RNF216: variants seen among roughly 807,000 people sequenced by gnomAD.
RNF216 encodes E3 ubiquitin-protein ligase RNF216.
A neutral mutation model predicts 110.8 loss-of-function variants in RNF216; 72 were observed. The ratio of observed to expected loss-of-function variants is 0.65; its 90% CI spans 0.54 to 0.79. The LOEUF (loss-of-function observed/expected upper bound fraction) is 0.79, where lower values mean the gene tolerates loss of function less well. Among genes scored for constraint, RNF216 ranks in the 30% least tolerant of loss-of-function variants. The pLI, the probability that RNF216 is intolerant of heterozygous loss-of-function variation, is 0.00. For synonymous variants in RNF216, 495 were observed against 407.5 expected (o/e 1.21, Z -2.59); for missense variants, 1,342 against 1,141.2 (o/e 1.18, Z -2.54).
intron 1 of RNF216, among the ~76,000 whole-genome samples, chr7:5,777,969 C>T (rs1584633674): frequency 6.6e-6 from 1 of 152,180 alleles, no homozygotes; most frequent in African/African-American, 2.4e-5. Flanking sequence ...GTAAAATCAA[C>T]GTTTTCAACG....
chr7:5,772,229 G>A (rs1040171550), intron 1 of RNF216, among the ~76,000 whole-genome samples: 17 of 152,084 alleles, frequency 1.1e-4, no homozygotes, highest in Admixed American at 6.6e-5. Context: ...GTGAAACTCC[G>A]TCCCAATAAA....
intron 1 of RNF216, among the ~76,000 whole-genome samples, chr7:5,773,835 G>A (rs1265379569): frequency 6.6e-6 from 1 of 152,140 alleles, no homozygotes; most frequent in Non-Finnish European, 1.5e-5. Context: ...CCAAAGTCCT[G>A]GGATAACAGG....
At chr7:5,770,627 A>G (rs1369726630) in intron 1 of RNF216, among the ~76,000 whole-genome samples, 3 of 152,116 alleles carry the variant, frequency 2.0e-5, no homozygotes, top group Non-Finnish European at 4.4e-5. Context: ...GATATATACT[A>G]GATGACTTTA....
At chr7:5,657,573 A>G (rs1019184366) in intron 13 of RNF216, among the ~76,000 whole-genome samples, 3 of 152,094 alleles carry the variant, frequency 2.0e-5, no homozygotes, top group African/African-American at 7.2e-5. Context: ...GTCTAAAAAA[A>G]AAAAATAATA....
intron 2 of RNF216, among the ~76,000 whole-genome samples, chr7:5,760,078 A>T (rs973936996): frequency 2.6e-5 from 4 of 151,418 alleles, no homozygotes; most frequent in African/African-American, 9.8e-5. Flanking sequence ...TAAGGATTCT[A>T]CACCTCAGCA....
chr7:5,759,468 T>A (rs988975948), intron 2 of RNF216, among the ~76,000 whole-genome samples: 1 of 152,278 alleles, frequency 6.6e-6, no homozygotes, highest in South Asian at 2.1e-4. Context: ...CTCTTCCTTA[T>A]GATTTTCTTA....
intron 2 of RNF216, among the ~76,000 whole-genome samples, chr7:5,756,443 T>G (rs1795648535): frequency 6.6e-6 from 1 of 152,138 alleles, no homozygotes; most frequent in Admixed American, 6.6e-5. Context: ...CTCTTCAAAT[T>G]TGCTGAGCCC....
At chr7:5,732,633 A>G (rs1294930330) in intron 5 of RNF216, among the ~76,000 whole-genome samples, 1 of 152,254 alleles carries the variant, frequency 6.6e-6, no homozygotes, top group Non-Finnish European at 1.5e-5. Flanking sequence ...GTTTACCAAC[A>G]CAACTCTTCT....
chr7:5,740,017 C>A (rs1794663416), intron 4 of RNF216, among the ~76,000 whole-genome samples: 2 of 147,668 alleles, frequency 1.4e-5, no homozygotes, highest in African/African-American at 2.5e-5. Flanking sequence ...AAAAAACAAA[C>A]CAAAAACAAA....
Position 5,680,694 on chromosome 7 carries a change from G to A in RNF216, c.2062-28184C>T, listed in dbSNP as rs1055916676. Among the ~76,000 whole-genome samples, 2 of 151,980 alleles carry A rather than the reference G, an allele frequency of 1.3e-5. No individual in the cohort carries two copies. Among genetic ancestry groups the A allele is most frequent in the Non-Finnish European group, 2.9e-5 (2 of 68,008 alleles). On this transcript the variant is annotated intron_variant, in intron 13 of 16. Transcript: ENST00000389902. The surrounding 1 kb of genome is among the most constrained non-coding windows in gnomAD (Gnocchi z 4.3). ...TGGGATTACAGGTGTGAGCCACCGC[G>A]CCCAGCACTCAACACTTCTACTTGG...
Position 5,641,294 on chromosome 7 carries a change from T to C in RNF216, c.2242A>G (p.Met748Val). ...ATCTGGGCACCACAGCGGCAAGACA[T>C]GCGGTTGCAGCCTTCAGATTTGATG... is the stretch of plus-strand genomic sequence containing the variant. ...GLIKSEGCNRMSCRCGAQMCY... is the reference protein window; with the variant it reads ...GLIKSEGCNRVSCRCGAQMCY... Residue 748 changes from methionine to valine, a missense_variant, in exon 15 of 17, where the codon ATG (methionine) becomes GTG (valine). Coordinates refer to ENST00000389902, the MANE Select transcript of RNF216 (RefSeq NM_207111.4). The C allele has an allele frequency of 6.2e-7, 1 of 1,614,170 alleles. No individual in the cohort carries two copies. The highest frequency in any genetic ancestry group is 1.7e-5 in the Admixed American group (1 of 60,014).
At position 5,657,566 on chromosome 7, in the gene RNF216, TA is replaced by T. The variant is rs200571402; in HGVS notation, c.2062-5057del. Among the ~76,000 whole-genome samples, 493 of 143,964 alleles carry T rather than the reference TA, an allele frequency of 3.4e-3. 1 individual carries two copies. Among genetic ancestry groups the T allele is most frequent in the South Asian group, 9.6e-3 (44 of 4,578 alleles). The allele number at this position is 143,964 out of a possible 152,430, so 94.4% of individuals were successfully genotyped here. A position where few individuals can be genotyped will look rare whatever the true frequency, so the allele number is the denominator to read the frequency against. ...TGGGCAACAAGAGTGAAATTCTGTC[TA>T]AAAAAAAAAAATAATAAAATAAAAT... On this transcript the variant is annotated intron_variant, in intron 13 of 16. Transcript: ENST00000389902.
chr7:5,727,064 G>A (rs1193224646), intron 7 of RNF216, among the ~76,000 whole-genome samples: 2 of 152,150 alleles, frequency 1.3e-5, no homozygotes, highest in African/African-American at 2.4e-5. Context: ...CATGTCCTGT[G>A]GCTACGCTGT....
chr7:5,695,408 A>G (rs769347457), intron 13 of RNF216, among the ~76,000 whole-genome samples: 5 of 152,004 alleles, frequency 3.3e-5, no homozygotes, highest in Non-Finnish European at 5.9e-5. Flanking sequence ...GAAGCGCCAC[A>G]TCGCCTTCCT....
chr7:5,645,234 T>G (rs1297152456), intron 14 of RNF216, among the ~76,000 whole-genome samples: 8 of 152,246 alleles, frequency 5.3e-5, no homozygotes, highest in African/African-American at 1.9e-4. Flanking sequence ...TTCATCCTAC[T>G]TGGAATTCAT....
At chr7:5,729,096 G>A (rs929379560) in intron 7 of RNF216, among the ~76,000 whole-genome samples, 4 of 152,130 alleles carry the variant, frequency 2.6e-5, no homozygotes, top group Admixed American at 2.0e-4. Flanking sequence ...AGCCACCTGG[G>A]GGATGGATGG....
intron 13 of RNF216, among the ~76,000 whole-genome samples, chr7:5,692,421 C>G (rs192588759): frequency 1.4e-4 from 21 of 152,338 alleles, no homozygotes; most frequent in African/African-American, 4.8e-4. Context: ...GTCAGACATA[C>G]TCTGTGGGAA....
rs980212739 is a variant in RNF216, at chr7:5,696,671, T to C, written c.2061+15090A>G. On this transcript the variant is annotated intron_variant, in intron 13 of 16. Transcript: ENST00000389902. The surrounding 1 kb of genome is among the most constrained non-coding windows in gnomAD (Gnocchi z 5.4). Reference sequence around the variant, plus strand: ...TGACTACTGCCCCACGTCTCCCCTCTTGCCCCCAACCTGCCCTTAGAACCA... The same window carrying C: ...TGACTACTGCCCCACGTCTCCCCTCCTGCCCCCAACCTGCCCTTAGAACCA... 9.9e-5 allele frequency among the ~76,000 whole-genome samples: 15 copies of C among 152,110 alleles called. No individual in the cohort carries two copies. The highest frequency in any genetic ancestry group is 1.8e-4 in the Non-Finnish European group (12 of 68,006).
At chr7:5,709,736 G>A (rs907829776) in intron 13 of RNF216, among the ~76,000 whole-genome samples, 12 of 117,604 alleles carry the variant, frequency 1.0e-4, no homozygotes, top group African/African-American at 3.3e-4. Flanking sequence ...ACTCATGTGT[G>A]CCCTCAGGCT....
Sources: allele counts gnomAD v4.1 joint callset (sites outside exome capture counted in the v4.1 genomes callset), GRCh38; gene constraint gnomAD v4.1.1; non-coding constraint Gnocchi (gnomAD v3.1); transcripts MANE v1.5; gene names NCBI Gene and HGNC (gene_info 2026-07-23, HGNC 2026-07-21).